The following PRKAR1B variants were observed in gnomAD, a reference collection of about 807,000 sequenced individuals.
PRKAR1B encodes the protein cAMP-dependent protein kinase type I-beta regulatory subunit.
PRKAR1B carries 22 observed loss-of-function variants against 46.5 expected under a neutral mutation model. The observed-to-expected ratio is 0.47, with a 90% CI of 0.34 to 0.68. The LOEUF (loss-of-function observed/expected upper bound fraction) is 0.68, where lower values mean the gene tolerates loss of function less well. Among genes scored for constraint, PRKAR1B ranks in the 30% least tolerant of loss-of-function variants. PRKAR1B has a pLI of 0.01. For missense variants in PRKAR1B, 445 were observed against 535.6 expected (o/e 0.83, Z 1.67); for synonymous variants, 259 against 217.7 (o/e 1.19, Z -1.67).
intron 9 of PRKAR1B, among the ~76,000 whole-genome samples, chr7:556,608 C>T (rs144623160): frequency 2.6e-5 from 4 of 152,208 alleles, no homozygotes; most frequent in South Asian, 4.1e-4. Flanking sequence ...GGTCGGTCCC[C>T]GAGGCGTCCG....
intron 2 of PRKAR1B, among the ~76,000 whole-genome samples, chr7:690,596 T>C (rs1447851323): frequency 6.6e-6 from 1 of 152,012 alleles, no homozygotes. Context: ...CACAAACAAA[T>C]TGGAAGGAAC....
At position 706,217 on chromosome 7, in the gene PRKAR1B, T is replaced by C. The variant is rs369732920; in HGVS notation, c.177+5112A>G. On this transcript the variant is annotated intron_variant, in intron 2 of 10. Coordinates refer to ENST00000537384, the MANE Select transcript of PRKAR1B (RefSeq NM_001164760.2). ...GGTGGGCACCGGTACTCCCAGCTAC[T>C]CAGGAAGCTGAGGTGGGAAGATGGC... is the stretch of plus-strand genomic sequence containing the variant. 7.2e-5 allele frequency among the ~76,000 whole-genome samples: 11 copies of C among 152,034 alleles called. No homozygotes were observed. In the East Asian group the frequency reaches 7.7e-4, roughly 11 times the overall value.
chr7:665,765 C>T (rs970917196), intron 4 of PRKAR1B, among the ~76,000 whole-genome samples: 8 of 152,216 alleles, frequency 5.3e-5, no homozygotes, highest in African/African-American at 1.9e-4. Context: ...TCAGAGAAGC[C>T]AGGAGACAGC....
chr7:648,467 T>G (rs1332072206), intron 4 of PRKAR1B, among the ~76,000 whole-genome samples: 1 of 151,718 alleles, frequency 6.6e-6, no homozygotes, highest in Non-Finnish European at 1.5e-5. Flanking sequence ...AAAAATTAGC[T>G]GGGCATGGTG....
intron 1 of PRKAR1B, among the ~76,000 whole-genome samples, chr7:724,031 T>C (rs1397824768): frequency 1.3e-5 from 2 of 152,232 alleles, no homozygotes; most frequent in Non-Finnish European, 1.5e-5. Context: ...CCCAACCTCA[T>C]GACCTCATCT....
At chr7:646,653 C>A (rs977800927) in intron 4 of PRKAR1B, among the ~76,000 whole-genome samples, 1 of 152,204 alleles carries the variant, frequency 6.6e-6, no homozygotes, top group Non-Finnish European at 1.5e-5. Context: ...AATGGCTTCA[C>A]GCTTCTCCCT....
At chr7:711,179 CCG>C (rs1780604529) in intron 2 of PRKAR1B, 148 bp downstream of exon 2, 11 of 1,097,302 alleles carry the variant, frequency 1.0e-5, no homozygotes, top group Non-Finnish European at 1.4e-5. Context: ...GCCTCTCTCC[CCG>C]CGCTTCTGGA....
chr7:691,625 G>A, intron 2 of PRKAR1B: 3 of 1,303,288 alleles, frequency 2.3e-6, no homozygotes, highest in Non-Finnish European at 3.0e-6. Context: ...GCCGTGTGCT[G>A]AATGGCATGT....
chr7:653,539 G>T (rs1785023440), intron 4 of PRKAR1B, among the ~76,000 whole-genome samples: 2 of 152,158 alleles, frequency 1.3e-5, no homozygotes, highest in Admixed American at 1.3e-4. Context: ...GGGGCCTCAG[G>T]AACTGTCCTG....
At chr7:586,194 G>A (rs976781348) in intron 7 of PRKAR1B, among the ~76,000 whole-genome samples, 6 of 152,140 alleles carry the variant, frequency 3.9e-5, no homozygotes, top group African/African-American at 7.2e-5. Context: ...AGAAACAGCC[G>A]TGTGGTTTAA....
At chr7:706,098 G>A (rs1780308271) in intron 2 of PRKAR1B, among the ~76,000 whole-genome samples, 1 of 152,118 alleles carries the variant, frequency 6.6e-6, no homozygotes, top group Non-Finnish European at 1.5e-5. Flanking sequence ...AGCCGAGTGG[G>A]GAGGACCGCT....
intron 4 of PRKAR1B, among the ~76,000 whole-genome samples, chr7:648,377 T>A (rs1562587873): frequency 6.6e-6 from 1 of 151,844 alleles, no homozygotes; most frequent in Admixed American, 6.6e-5. Flanking sequence ...TGTGGGAGGC[T>A]GAGGCAGGCA....
chr7:626,877 T>TTTTA (rs1474830816), intron 4 of PRKAR1B, among the ~76,000 whole-genome samples: 1 of 150,932 alleles, frequency 6.6e-6, no homozygotes, highest in Middle Eastern at 3.2e-3. Context: ...CTCAGCTAAT[T>TTTTA]TTTATTTATT....
At chr7:702,830 A>G (rs1780132575) in intron 2 of PRKAR1B, among the ~76,000 whole-genome samples, 1 of 152,092 alleles carries the variant, frequency 6.6e-6, no homozygotes, top group Admixed American at 6.5e-5. Flanking sequence ...TCTCAAAAAA[A>G]TAAGTAAATA....
At chr7:570,531 C>T (rs955239265) in intron 9 of PRKAR1B, among the ~76,000 whole-genome samples, 1 of 152,094 alleles carries the variant, frequency 6.6e-6, no homozygotes, top group Non-Finnish European at 1.5e-5. Context: ...CCACTGCCTG[C>T]CCAGCAGTCC....
rs867574261 is a variant in PRKAR1B at position 588,759 on chromosome 7, A to G, written c.709-4191T>C. ...AGTGACAGTGGTGATGGTGATGGTG[A>G]TGGTGGTGATGGTGATGGTGGTGAT... On this transcript the variant is annotated intron_variant, in intron 7 of 10. Coordinates refer to ENST00000537384, the MANE Select transcript of PRKAR1B (RefSeq NM_001164760.2). Among the ~76,000 whole-genome samples, 260 of 27,332 alleles carry G rather than the reference A, an allele frequency of 9.5e-3. 4 individuals are homozygous for G. The highest frequency in any genetic ancestry group is 0.036 in the East Asian group (18 of 506). The allele number at this position is 27,332 out of a possible 152,430, so 17.9% of individuals were successfully genotyped here.
chr7:727,251 C>T lies in PRKAR1B; in HGVS notation c.-64G>A. ...GCGCGCTGCGCTGCTCCCTGCTCGA[C>T]CCCTTCGCCGCCGTGCGCCGCGAGA... On this transcript the variant is annotated 5_prime_UTR_variant, in exon 1 of 11. Transcript: ENST00000537384. The T allele has an allele frequency of 2.2e-6, 3 of 1,345,394 alleles. No individual in the cohort carries two copies. Among genetic ancestry groups the T allele is most frequent in the Non-Finnish European group, 1.9e-6 (2 of 1,051,970 alleles). 83.3% of individuals were successfully genotyped at this position (1,345,394 alleles called of 1,614,324 possible).
At chr7:587,995 C>T (rs1244250939) in intron 7 of PRKAR1B, among the ~76,000 whole-genome samples, 3 of 152,240 alleles carry the variant, frequency 2.0e-5, no homozygotes, top group Non-Finnish European at 4.4e-5. Flanking sequence ...GTTGTTTCCA[C>T]AGTTGCTTAT....
intron 9 of PRKAR1B, among the ~76,000 whole-genome samples, chr7:551,922 G>A (rs1784240608): frequency 2.4e-5 from 2 of 83,918 alleles, no homozygotes; most frequent in South Asian, 4.3e-4. Flanking sequence ...CCACCACCAC[G>A]TCACCACCCA....
Sources: gnomAD v4.1 joint callset for allele counts (sites outside exome capture counted in the v4.1 genomes callset) on GRCh38, gnomAD v4.1.1 for gene constraint, MANE v1.5 for transcripts, NCBI Gene and HGNC (gene_info 2026-07-23, HGNC 2026-07-21) for gene names.